The following AGPAT2 variants were observed in gnomAD, a reference collection of about 807,000 sequenced individuals.
AGPAT2 encodes 1-acyl-sn-glycerol-3-phosphate acyltransferase beta.
AGPAT2 carries 18 observed loss-of-function variants against 26.1 expected under a neutral mutation model. The observed-to-expected ratio is 0.69, with a 90% CI of 0.48 to 1.02. The LOEUF is 1.02. Among genes scored for constraint, AGPAT2 ranks in the 50% least tolerant of loss-of-function variants. The probability of loss-of-function intolerance (pLI) is 0.00; values close to 1 mark genes in which losing one functional copy is unlikely to be tolerated. For synonymous variants in AGPAT2, 200 were observed against 174.2 expected, an observed-to-expected ratio of 1.15 and a Z score of -1.16; for missense variants, 415 against 394.9, an observed-to-expected ratio of 1.05 and a Z score of -0.43.
At chr9:136,682,622 C>T (rs1846174484) in intron 1 of AGPAT2, among the ~76,000 whole-genome samples, 1 of 152,222 alleles carries the variant, frequency 6.6e-6, no homozygotes, top group Non-Finnish European at 1.5e-5. Flanking sequence ...GCAGGAGGCC[C>T]AGGGAGCAGC....
intron 1 of AGPAT2, among the ~76,000 whole-genome samples, chr9:136,679,043 C>A (rs1282609664): frequency 6.6e-6 from 1 of 152,230 alleles, no homozygotes; most frequent in Non-Finnish European, 1.5e-5. Context: ...CCTGAGCCAA[C>A]TCGCCCGGCC....
Position 136,673,575 on chromosome 9 carries a change from A to G in AGPAT2, c.*177T>C. 1.5e-6 allele frequency: 1 copy of G among 675,322 alleles called. No individual in the cohort carries two copies. The highest frequency in any genetic ancestry group is 2.7e-5 in the South Asian group (1 of 36,376). 41.8% of individuals were successfully genotyped at this position (675,322 alleles called of 1,614,324 possible). A position where few individuals can be genotyped will look rare whatever the true frequency, so the allele number is the denominator to read the frequency against. ...TCCAGCTGAGCCCCCTGCAGGGGAC[A>G]CCAGGGGCCTGTGTCTGAGGCCAGT... On this transcript the variant is annotated 3_prime_UTR_variant, in exon 6 of 6. Coordinates refer to ENST00000371696, the MANE Select transcript of AGPAT2 (RefSeq NM_006412.4).
chr9:136,684,991 C>T (rs950416667), intron 1 of AGPAT2, among the ~76,000 whole-genome samples: 1 of 152,172 alleles, frequency 6.6e-6, no homozygotes, highest in Non-Finnish European at 1.5e-5. Context: ...AGGGAACGCA[C>T]GTTCGCAACA....
intron 1 of AGPAT2, among the ~76,000 whole-genome samples, chr9:136,679,561 C>T (rs1020228393): frequency 2.6e-5 from 4 of 152,174 alleles, no homozygotes; most frequent in African/African-American, 9.7e-5. Flanking sequence ...GTTTTGCCTC[C>T]ACACTCATTT....
intron 5 of AGPAT2, 72 bp downstream of exon 5, chr9:136,674,663 T>C (rs1846065960): frequency 8.4e-7 from 1 of 1,192,048 alleles, no homozygotes; most frequent in South Asian, 2.6e-5. Flanking sequence ...ATGGGAACGA[T>C]GAGGGGCCCG....
chr9:136,677,695 G>C, intron 1 of AGPAT2, 139 bp from the exon 2 acceptor site: 1 of 1,059,406 alleles, frequency 9.4e-7, no homozygotes, highest in South Asian at 1.4e-5. Flanking sequence ...AGACACAGGG[G>C]AGGGAGCCCC....
chr9:136,680,415 C>T (rs182696555), intron 1 of AGPAT2, among the ~76,000 whole-genome samples: 32 of 152,116 alleles, frequency 2.1e-4, no homozygotes, highest in African/African-American at 6.5e-4. Context: ...TTAGTAGAGA[C>T]GGGGTTTCAC....
chr9:136,674,869 T>G, intron 4 of AGPAT2, 62 bp from the exon 5 acceptor site: 1 of 1,265,730 alleles, frequency 7.9e-7, no homozygotes, highest in Non-Finnish European at 1.0e-6. Context: ...CACCCCAGGC[T>G]GCATGTGGTT....
intron 4 of AGPAT2, among the ~76,000 whole-genome samples, chr9:136,675,917 G>A (rs897632984): frequency 1.3e-5 from 2 of 152,182 alleles, no homozygotes; most frequent in Non-Finnish European, 1.5e-5. Context: ...GCCACTAGTG[G>A]CCAGTGTGAG....
chr9:136,675,230 G>A (rs1564290265), intron 4 of AGPAT2, among the ~76,000 whole-genome samples: 1 of 152,132 alleles, frequency 6.6e-6, no homozygotes, highest in African/African-American at 2.4e-5. Flanking sequence ...GGGAGGGGTG[G>A]AGCCTGCTGG....
chr9:136,683,444 C>T (rs1846186607), intron 1 of AGPAT2, among the ~76,000 whole-genome samples: 1 of 152,176 alleles, frequency 6.6e-6, no homozygotes. Flanking sequence ...CCAGGACTTG[C>T]CCATCTTCAG....
rs751070541 is a variant in AGPAT2, at chr9:136,687,171, C to T, written c.182+5G>A. 1.3e-6 allele frequency: 2 copies of T among 1,585,608 alleles called. No individual in the cohort carries two copies. The highest frequency in any genetic ancestry group is 2.3e-5 in the South Asian group (2 of 88,762). On this transcript the variant is annotated splice_donor_5th_base_variant and intron_variant, in intron 1 of 5. Transcript: ENST00000371696. ...CCGGCCCCTCCCGGCGGCCCCCGGC[C>T]TTGCCTCATGTTCTCCACCGTCCGG...
intron 1 of AGPAT2, among the ~76,000 whole-genome samples, chr9:136,678,909 C>T (rs1020259578): frequency 4.6e-5 from 7 of 152,156 alleles, no homozygotes; most frequent in South Asian, 2.1e-4. Flanking sequence ...TGAGCCACCA[C>T]ACCTCGCTAG....
intron 4 of AGPAT2, among the ~76,000 whole-genome samples, chr9:136,675,762 G>A (rs951730868): frequency 7.9e-5 from 12 of 152,276 alleles, no homozygotes; most frequent in Admixed American, 2.0e-4. Flanking sequence ...GGTGTGCCCC[G>A]CACCTGGGCA....
intron 5 of AGPAT2, among the ~76,000 whole-genome samples, chr9:136,674,351 C>G (rs1457092001): frequency 6.6e-6 from 1 of 152,082 alleles, no homozygotes; most frequent in African/African-American, 2.4e-5. Context: ...CTGGAAGGGG[C>G]AAGAGGTCAT....
At chr9:136,681,277 G>A (rs961441265) in intron 1 of AGPAT2, among the ~76,000 whole-genome samples, 4 of 152,160 alleles carry the variant, frequency 2.6e-5, no homozygotes, top group Non-Finnish European at 4.4e-5. Flanking sequence ...ATGGACGGAC[G>A]GAGGCTGCCC....
chr9:136,687,007 G>A (rs1191181245), intron 1 of AGPAT2, among the ~76,000 whole-genome samples, 169 bp downstream of exon 1: 3 of 152,102 alleles, frequency 2.0e-5, no homozygotes, highest in South Asian at 2.1e-4. Context: ...GGGACCCCCT[G>A]ACTCCGGGAC....
chr9:136,673,650 G>T lies in AGPAT2; in HGVS notation c.*102C>A. ...GGGCTGAGTGAGAGCTGGGGGAGCCGGACAGAGTGGTATTTGGAAGCCGGG... is the reference window on the plus strand; with the variant it reads ...GGGCTGAGTGAGAGCTGGGGGAGCCTGACAGAGTGGTATTTGGAAGCCGGG... On this transcript the variant is annotated 3_prime_UTR_variant, in exon 6 of 6. Transcript: ENST00000371696. The T allele has an allele frequency of 1.5e-6, 2 of 1,294,082 alleles. No individual in the cohort carries two copies. The highest frequency in any genetic ancestry group is 1.6e-5 in the South Asian group (1 of 63,234). The allele number at this position is 1,294,082 out of a possible 1,614,324, so 80.2% of individuals were successfully genotyped here.
In AGPAT2 at chr9:136,674,718, C is replaced by G; in HGVS notation, c.661+17G>C. ...TCAGGCGGGGCCTACACCCCGGGTG[C>G]ACACATGTGGGGGTACCTGAAGTGA... On this transcript the variant is annotated intron_variant, in intron 5 of 5. Coordinates refer to ENST00000371696, the MANE Select transcript of AGPAT2 (RefSeq NM_006412.4). 6.9e-7 allele frequency: 1 copy of G among 1,439,910 alleles called. No individual in the cohort carries two copies. Among genetic ancestry groups the G allele is most frequent in the Non-Finnish European group, 9.2e-7 (1 of 1,087,050 alleles). The allele number at this position is 1,439,910 out of a possible 1,614,324, so 89.2% of individuals were successfully genotyped here. A position where few individuals can be genotyped will look rare whatever the true frequency, so the allele number is the denominator to read the frequency against.
Sources: allele counts gnomAD v4.1 joint callset (sites outside exome capture counted in the v4.1 genomes callset), GRCh38; gene constraint gnomAD v4.1.1; transcripts MANE v1.5; gene names NCBI Gene and HGNC (gene_info 2026-07-23, HGNC 2026-07-21).